The following INPP5B variants were observed in gnomAD, a reference collection of about 807,000 sequenced individuals.
INPP5B encodes the protein type II inositol 1,4,5-trisphosphate 5-phosphatase.
A neutral mutation model predicts 118.5 loss-of-function variants in INPP5B; 90 were observed. That is an observed-to-expected ratio of 0.76 (90% CI 0.64 to 0.90). INPP5B has a LOEUF of 0.90. Ranked by LOEUF, INPP5B falls within the 40% of genes least tolerant of loss-of-function variation. The pLI is 0.00. For synonymous variants in INPP5B, 385 were observed against 418.9 expected, an observed-to-expected ratio of 0.92 and a Z score of 0.99; for missense variants, 984 against 1,125.6, an observed-to-expected ratio of 0.87 and a Z score of 1.80.
At chr1:37,929,710 A>C (rs558358818) in intron 7 of INPP5B, 2 of 151,868 alleles carry the variant, frequency 1.3e-5, no homozygotes, top group Admixed American at 1.3e-4. Context: ...GTGTCACCCC[A>C]CTTACTGTAG....
intron 7 of INPP5B, among the ~76,000 whole-genome samples, chr1:37,926,486 G>A (rs994837914): frequency 8.5e-5 from 13 of 152,060 alleles, no homozygotes; most frequent in Non-Finnish European, 1.5e-4. Flanking sequence ...GTTTCACCAC[G>A]TTGGCCAGGA....
intron 7 of INPP5B, among the ~76,000 whole-genome samples, chr1:37,927,039 A>G (rs1645256084): frequency 6.6e-6 from 1 of 152,174 alleles, no homozygotes; most frequent in African/African-American, 2.4e-5. Flanking sequence ...CTGTAATCTC[A>G]GCACTTTGGG....
rs777198899 is a variant in INPP5B, at chr1:37,887,479, C to T, written c.900-14G>A. ...AGCTCCTGGAACCTATTTTGAGAAG[C>T]AACCAGTTAGATAGTAAAGAAAAGT... On this transcript the variant is annotated splice_polypyrimidine_tract_variant and intron_variant, in intron 10 of 23. Coordinates refer to ENST00000373024, the MANE Select transcript of INPP5B (RefSeq NM_005540.3). 3 of 1,478,116 alleles carry T rather than the reference C, an allele frequency of 2.0e-6. No homozygotes were observed. Among genetic ancestry groups the T allele is most frequent in the South Asian group, 2.3e-5 (2 of 87,130 alleles). The allele number at this position is 1,478,116 out of a possible 1,614,324, so 91.6% of individuals were successfully genotyped here. A position where few individuals can be genotyped will look rare whatever the true frequency, so the allele number is the denominator to read the frequency against.
intron 15 of INPP5B, 60 bp downstream of exon 15, chr1:37,880,025 T>TA: frequency 1.8e-6 from 2 of 1,110,772 alleles, no homozygotes; most frequent in East Asian, 4.8e-5. Context: ...AAAGGGCAAG[T>TA]ACTTCCCAGA....
At chr1:37,945,202 A>T (rs1019432590) in intron 3 of INPP5B, among the ~76,000 whole-genome samples, 1 of 152,140 alleles carries the variant, frequency 6.6e-6, no homozygotes. Flanking sequence ...AGGCCAAGGC[A>T]GGTGGATAAC....
At chr1:37,877,803 T>C (rs1041107641) in intron 16 of INPP5B, among the ~76,000 whole-genome samples, 1 of 152,148 alleles carries the variant, frequency 6.6e-6, no homozygotes, top group Non-Finnish European at 1.5e-5. Context: ...TTCACTGTCC[T>C]GGAAAGATCT....
At position 37,862,137 on chromosome 1, in the gene INPP5B, G is replaced by A. The variant is rs1406489450; in HGVS notation, c.*178C>T. 8 of 521,560 alleles carry A rather than the reference G, an allele frequency of 1.5e-5. No homozygotes were observed. The highest frequency in any genetic ancestry group is 3.2e-5 in the South Asian group (1 of 30,884). 32.3% of individuals were successfully genotyped at this position (521,560 alleles called of 1,614,324 possible). ...GGTGGATTTTCTCCCGTGTCTTCAC[G>A]ACTCACAGCGCTGAGTGTGCTAACC... On this transcript the variant is annotated 3_prime_UTR_variant, in exon 24 of 24. Transcript: ENST00000373024.
intron 7 of INPP5B, among the ~76,000 whole-genome samples, chr1:37,895,565 C>T (rs541443005): frequency 2.2e-4 from 34 of 151,864 alleles, no homozygotes; most frequent in East Asian, 1.4e-3. Flanking sequence ...GATGCCGAGC[C>T]GAAGCTGGAC....
At chr1:37,869,542 C>T (rs904868051) in intron 19 of INPP5B, among the ~76,000 whole-genome samples, 2 of 151,712 alleles carry the variant, frequency 1.3e-5, no homozygotes, top group Admixed American at 6.6e-5. Flanking sequence ...TGCAGTGGTG[C>T]GATCTCGGCT....
At chr1:37,941,812 C>T (rs1645925249) in intron 5 of INPP5B, among the ~76,000 whole-genome samples, 1 of 134,498 alleles carries the variant, frequency 7.4e-6, no homozygotes, top group South Asian at 2.5e-4. Context: ...GTAGCGGGCA[C>T]CTGTAGTCCC....
chr1:37,938,199 G>A (rs1645772372), intron 6 of INPP5B, among the ~76,000 whole-genome samples: 1 of 151,892 alleles, frequency 6.6e-6, no homozygotes, highest in Non-Finnish European at 1.5e-5. Context: ...AACCCAGGAG[G>A]TGGAGGTTGC....
At position 37,931,978 on chromosome 1, in the gene INPP5B, ATCTCCAGCTCCAGC is replaced by A; in HGVS notation, c.453_466del (p.Glu151AspfsTer8). On this transcript the variant is annotated frameshift_variant, in exon 7 of 24. Transcript: ENST00000373024. LOFTEE classifies it high-confidence loss of function. ...CGAGTTACAACCGCGCGGCGTTGGC[ATCTCCAGCTCCAGC>A]TCTGCGCACCTATACCGAGACAGCC... 1 of 1,613,950 alleles carries A rather than the reference ATCTCCAGCTCCAGC, an allele frequency of 6.2e-7. No individual in the cohort carries two copies. The highest frequency in any genetic ancestry group is 8.5e-7 in the Non-Finnish European group (1 of 1,179,964).
At chr1:37,881,246 C>T (rs373978713) in intron 14 of INPP5B, among the ~76,000 whole-genome samples, 14 of 152,196 alleles carry the variant, frequency 9.2e-5, no homozygotes, top group African/African-American at 3.1e-4. Flanking sequence ...CTTGGTTTCT[C>T]CATCTGTAAA....
chr1:37,928,423 A>G (rs1645323727), intron 7 of INPP5B: 1 of 152,706 alleles, frequency 6.5e-6, no homozygotes, highest in East Asian at 1.9e-4. Flanking sequence ...CAGTGGCGCG[A>G]TCTCGGCTAA....
At position 37,900,297 on chromosome 1, in the gene INPP5B, C is replaced by T. The variant is rs532308932; in HGVS notation, c.533-8843G>A. 2.6e-5 allele frequency among the ~76,000 whole-genome samples: 4 copies of T among 151,304 alleles called. No homozygotes were observed. In the East Asian group the frequency reaches 7.8e-4, roughly 30 times the overall value. On this transcript the variant is annotated intron_variant, in intron 7 of 23. Transcript: ENST00000373024. ...TTGAGACAGAGTCTCTCTTGTCACC[C>T]AGGATGGAGTGCAATGGTGCGATCT...
chr1:37,865,302 C>T (rs1195239407), intron 22 of INPP5B, among the ~76,000 whole-genome samples: 1 of 152,160 alleles, frequency 6.6e-6, no homozygotes, highest in African/African-American at 2.4e-5. Flanking sequence ...CAAGCTAGAT[C>T]ATAGAACGTC....
intron 11 of INPP5B, 25 bp from the exon 12 acceptor site, chr1:37,887,029 A>T: frequency 6.3e-7 from 1 of 1,596,232 alleles, no homozygotes; most frequent in Non-Finnish European, 8.6e-7. Flanking sequence ...CATGGCATTA[A>T]ATAGAAATTG....
rs1643603538 is a variant in INPP5B, at chr1:37,887,374, G to A, written c.991C>T (p.His331Tyr). The change falls in exon 11 of 24, where the codon CAT (histidine) becomes TAT (tyrosine). Residue 331 changes from histidine to tyrosine, a missense_variant. Transcript: ENST00000373024. ...ACCTTTGCATATTTGGCATCTGGAT[G>A]AAGACCCTCTGACACAGCTTTGAAC... ...EWFKAVSEGL[H>Y]PDAKYAKVKL... 2 of 1,610,684 alleles carry A rather than the reference G, an allele frequency of 1.2e-6. No individual in the cohort carries two copies. The highest frequency in any genetic ancestry group is 1.7e-5 in the Admixed American group (1 of 59,766).
At chr1:37,931,815 T>C (rs1004944872) in intron 7 of INPP5B, 98 bp downstream of exon 7, 48 of 1,607,874 alleles carry the variant, frequency 3.0e-5, no homozygotes, top group Non-Finnish European at 3.9e-5. Context: ...ATCGAAAGCC[T>C]GTCTTCTCCA....
Sources: allele counts gnomAD v4.1 joint callset (sites outside exome capture counted in the v4.1 genomes callset), GRCh38; gene constraint gnomAD v4.1.1; transcripts MANE v1.5; gene names NCBI Gene and HGNC (gene_info 2026-07-23, HGNC 2026-07-21).